Variants in KATNIP observed in about 807,000 individuals in gnomAD.
The protein encoded by KATNIP is katanin-interacting protein.
In KATNIP, 126 loss-of-function variants were observed where a neutral mutation model predicts 174.0. The ratio of observed to expected loss-of-function variants is 0.72; its 90% CI spans 0.63 to 0.84. The LOEUF (loss-of-function observed/expected upper bound fraction) is 0.84, where lower values mean the gene tolerates loss of function less well. KATNIP is among the 40% of genes least tolerant of loss of function. The pLI, the probability that KATNIP is intolerant of heterozygous loss-of-function variation, is 0.00. For missense variants in KATNIP, 1,958 were observed against 2,109.7 expected (o/e 0.93, Z 1.41); for synonymous variants, 810 against 835.7 (o/e 0.97, Z 0.53).
chr16:27,697,955 T>G (rs1245268826), intron 8 of KATNIP, among the ~76,000 whole-genome samples: 2 of 152,106 alleles, frequency 1.3e-5, no homozygotes, highest in Non-Finnish European at 2.9e-5. Flanking sequence ...GCTATATATA[T>G]CTCCTAAAAA....
At chr16:27,649,171 C>T (rs566691310) in intron 6 of KATNIP, among the ~76,000 whole-genome samples, 2 of 152,352 alleles carry the variant, frequency 1.3e-5, no homozygotes, top group Admixed American at 1.3e-4. Flanking sequence ...CCTGTCCACA[C>T]GTGTATACAT....
chr16:27,587,867 T>A (rs2090957565), intron 2 of KATNIP, among the ~76,000 whole-genome samples: 1 of 152,086 alleles, frequency 6.6e-6, no homozygotes, highest in South Asian at 2.1e-4. Flanking sequence ...TATTTCTTTC[T>A]AGCTTTTTTT....
In KATNIP at chr16:27,698,495, C is replaced by T. The variant is rs1409679584; in HGVS notation, c.1108C>T (p.Leu370=). 6.2e-7 allele frequency: 1 copy of T among 1,607,670 alleles called. No homozygotes were observed. The highest frequency in any genetic ancestry group is 8.5e-7 in the Non-Finnish European group (1 of 1,176,798). Residue 370 remains leucine (L), a synonymous_variant, in exon 9 of 28, where the codon CTG becomes TTG. Coordinates refer to ENST00000261588, the MANE Select transcript of KATNIP (RefSeq NM_015202.5). ...SRKAEQPASP[L]QDAEGPPAKP... ...AAAGGCCGAGCAGCCAGCCAGCCCACTGCAGGTGCGCTCCGGGCTGGGAGA... is the reference window on the plus strand; with the variant it reads ...AAAGGCCGAGCAGCCAGCCAGCCCATTGCAGGTGCGCTCCGGGCTGGGAGA...
intron 12 of KATNIP, chr16:27,708,450 T>C (rs1207705177): frequency 6.8e-6 from 3 of 439,804 alleles, no homozygotes; most frequent in Non-Finnish European, 1.2e-5. Context: ...TTTTATTTAT[T>C]TGTAAACTTT....
At chr16:27,772,882 C>T (rs1016162072) in intron 22 of KATNIP, among the ~76,000 whole-genome samples, 25 of 151,958 alleles carry the variant, frequency 1.6e-4, no homozygotes, top group African/African-American at 5.8e-4. Context: ...CACACATGAA[C>T]ACTCACATGC....
At chr16:27,551,642 T>C (rs2089373864) in intron 1 of KATNIP, among the ~76,000 whole-genome samples, 1 of 152,206 alleles carries the variant, frequency 6.6e-6, no homozygotes, top group Non-Finnish European at 1.5e-5. Context: ...CCTAGCACTC[T>C]GGAAGGCCAA....
At chr16:27,731,200 T>C (rs2080666871) in intron 14 of KATNIP, among the ~76,000 whole-genome samples, 2 of 152,258 alleles carry the variant, frequency 1.3e-5, no homozygotes, top group Admixed American at 1.3e-4. Context: ...TGCCAGGGCC[T>C]CAACCCAAAC....
chr16:27,723,589 C>T (rs1164031048), intron 14 of KATNIP, among the ~76,000 whole-genome samples: 1 of 152,092 alleles, frequency 6.6e-6, no homozygotes, highest in Non-Finnish European at 1.5e-5. Flanking sequence ...GAGTCATCTC[C>T]ACCCCTGCCC....
At chr16:27,596,788 C>T (rs1352778097) in intron 2 of KATNIP, among the ~76,000 whole-genome samples, 4 of 152,048 alleles carry the variant, frequency 2.6e-5, no homozygotes, top group African/African-American at 4.8e-5. Context: ...TTTGGGAGGC[C>T]GAGGCAGGTG....
chr16:27,588,172 G>A (rs553118093), intron 2 of KATNIP, among the ~76,000 whole-genome samples: 3 of 151,834 alleles, frequency 2.0e-5, no homozygotes, highest in Non-Finnish European at 2.9e-5. Flanking sequence ...GATTACCGCT[G>A]GGAGCCACTG....
chr16:27,733,564 G>GACAC lies in KATNIP; in HGVS notation c.1744-6441_1744-6438dup, dbSNP rs10558929. On this transcript the variant is annotated intron_variant, in intron 14 of 27. Coordinates refer to ENST00000261588, the MANE Select transcript of KATNIP (RefSeq NM_015202.5). ...ATATTCACACCAAGGAAACAAGAAG[G>GACAC]ACACACACACACACACACACACACA... 5.8e-3 allele frequency among the ~76,000 whole-genome samples: 836 copies of GACAC among 143,366 alleles called. 6 individuals carry two copies. Among genetic ancestry groups the GACAC allele is most frequent in the African/African-American group, 0.016 (630 of 38,230 alleles). 94.1% of individuals were successfully genotyped at this position (143,366 alleles called of 152,430 possible). A position where few individuals can be genotyped will look rare whatever the true frequency, so the allele number is the denominator to read the frequency against.
At chr16:27,636,859 G>A (rs565215871) in intron 5 of KATNIP, among the ~76,000 whole-genome samples, 30 of 152,320 alleles carry the variant, frequency 2.0e-4, no homozygotes, top group African/African-American at 6.0e-4. Flanking sequence ...CATGTGCAGC[G>A]TGCATTACAG....
In KATNIP at chr16:27,550,776, A is replaced by T. The variant is rs2089321438; in HGVS notation, c.7+599A>T. ...GATGAAACTGAGGCTCAGAGGTGTT[A>T]AGGAACTTGCCCAAAGTCAAACAAC... On this transcript the variant is annotated intron_variant, in intron 1 of 27. Transcript: ENST00000261588. Among the ~76,000 whole-genome samples the T allele has an allele frequency of 2.0e-5, 3 of 152,186 alleles. No individual in the cohort carries two copies. In the South Asian group the frequency reaches 6.2e-4, roughly 31 times the overall value.
chr16:27,702,505 A>T (rs2079138810), intron 11 of KATNIP, among the ~76,000 whole-genome samples: 1 of 152,198 alleles, frequency 6.6e-6, no homozygotes. Flanking sequence ...ATGCCATGGC[A>T]CACAGACACA....
chr16:27,620,041 C>G (rs933996185), intron 3 of KATNIP, among the ~76,000 whole-genome samples: 1 of 152,160 alleles, frequency 6.6e-6, no homozygotes, highest in Non-Finnish European at 1.5e-5. Context: ...GTCACAGTTC[C>G]TTATGAACAA....
At chr16:27,774,873 C>G in intron 23 of KATNIP, 72 bp from the exon 24 acceptor site, 1 of 1,586,110 alleles carries the variant, frequency 6.3e-7, no homozygotes, top group Non-Finnish European at 8.6e-7. Context: ...CCGAGCCACG[C>G]CATCAGCCTG....
At position 27,777,169 on chromosome 16, in the gene KATNIP, C is replaced by T. The variant is rs185538847; in HGVS notation, c.4551+140C>T. 10 of 634,622 alleles carry T rather than the reference C, an allele frequency of 1.6e-5. No homozygotes were observed. In the East Asian group the frequency reaches 1.7e-4, roughly 11 times the overall value. 39.3% of individuals were successfully genotyped at this position (634,622 alleles called of 1,614,324 possible). On this transcript the variant is annotated intron_variant, in intron 25 of 27. Coordinates refer to ENST00000261588, the MANE Select transcript of KATNIP (RefSeq NM_015202.5). This position sits in a 1 kb window ranked among gnomAD's most constrained non-coding sequence, Gnocchi z 4.4. ...CAAATGCCTGGTCGTCAGATGCAGG[C>T]GAATTTCCCACCCAACCATGAATTC...
At chr16:27,729,958 C>T (rs1413422854) in intron 14 of KATNIP, among the ~76,000 whole-genome samples, 1 of 152,264 alleles carries the variant, frequency 6.6e-6, no homozygotes, top group Admixed American at 6.5e-5. Flanking sequence ...GGCTCAGCCC[C>T]TCCTCTCATC....
At chr16:27,631,012 G>A (rs2076471118) in intron 4 of KATNIP, 53 bp from the exon 5 acceptor site, 1 of 1,426,038 alleles carries the variant, frequency 7.0e-7, no homozygotes, top group South Asian at 1.2e-5. Context: ...ACCCAGTACT[G>A]TGAGCTTGTC....
Sources: gnomAD v4.1 joint callset for allele counts (sites outside exome capture counted in the v4.1 genomes callset) on GRCh38, gnomAD v4.1.1 for gene constraint, Gnocchi (gnomAD v3.1) non-coding constraint, MANE v1.5 for transcripts, NCBI Gene and HGNC (gene_info 2026-07-23, HGNC 2026-07-21) for gene names.